The following RBBP6 variants were observed in gnomAD, a reference collection of about 807,000 sequenced individuals.
RBBP6 encodes E3 ubiquitin-protein ligase RBBP6.
In RBBP6, 25 loss-of-function variants were observed where a neutral mutation model predicts 167.7. That is an observed-to-expected ratio of 0.15 (90% CI 0.11 to 0.21). RBBP6 has a LOEUF of 0.21. Ranked by LOEUF, RBBP6 falls within the 10% of genes least tolerant of loss-of-function variation. The pLI, the probability that RBBP6 is intolerant of heterozygous loss-of-function variation, is 1.00. For missense variants in RBBP6, 1,868 were observed against 2,134.2 expected (o/e 0.88, Z 2.46); for synonymous variants, 789 against 735.8 (o/e 1.07, Z -1.17).
Position 24,560,736 on chromosome 16 carries a change from G to A in RBBP6, c.848-876G>A, listed in dbSNP as rs116958003. 2.4e-3 allele frequency among the ~76,000 whole-genome samples: 359 copies of A among 152,250 alleles called. 1 individual carries two copies. Among genetic ancestry groups the A allele is most frequent in the Non-Finnish European group, 4.1e-3 (280 of 68,012 alleles). On this transcript the variant is annotated intron_variant, in intron 8 of 17. Coordinates refer to ENST00000319715, the MANE Select transcript of RBBP6 (RefSeq NM_006910.5). ...TAAGAGTATAACAACTATTTACATA[G>A]CATTTATATTGCAGCAGGTATTACA... is the stretch of plus-strand genomic sequence containing the variant.
chr16:24,572,100 C>G lies in RBBP6; in HGVS notation c.5034C>G (p.Asp1678Glu). ...TGGAGAAAGCAAAAGAGAGCCTGGA[C>G]ACAGCAGCAGTTGTCCAGGTGGGCA... ...KIVEKAKESL[D>E]TAAVVQVGIS... Residue 1678 changes from aspartate (D) to glutamate (E), a missense_variant, in exon 18 of 18, where the codon GAC becomes GAG. By Grantham distance (45) the Asp-to-Glu change is conservative. Around this residue, in one of 7 missense-constraint regions of RBBP6, gnomAD observed 591 missense variants for 540.5 expected, o/e 1.09. Transcript: ENST00000319715. The G allele has an allele frequency of 6.2e-7, 1 of 1,614,098 alleles. No individual in the cohort carries two copies. The highest frequency in any genetic ancestry group is 8.5e-7 in the Non-Finnish European group (1 of 1,180,016).
At chr16:24,544,257 A>G (rs1898578362) in intron 1 of RBBP6, among the ~76,000 whole-genome samples, 1 of 152,160 alleles carries the variant, frequency 6.6e-6, no homozygotes, top group African/African-American at 2.4e-5. Flanking sequence ...TAGTCACCCC[A>G]TGCTCTCAGT....
In RBBP6 at chr16:24,570,175, C is replaced by T. The variant is rs764226198; in HGVS notation, c.3485C>T (p.Ser1162Phe). ...AAAGGCGTAGATAAAGATTTTGAGT[C>T]TTCTTCAATGAAAATCTCGAAACTA... ...EEKGVDKDFE[S>F]SSMKISKLEV... Residue 1162 changes from serine to phenylalanine, a missense_variant, in exon 17 of 18, where the codon TCT becomes TTT. By Grantham distance (155) the Ser-to-Phe change is radical (BLOSUM62 -2). Around this residue, in one of 7 missense-constraint regions of RBBP6, gnomAD observed 673 missense variants for 691.5 expected, o/e 0.97. Transcript: ENST00000319715. The T allele has an allele frequency of 6.3e-7, 1 of 1,598,908 alleles. No individual in the cohort carries two copies. Among genetic ancestry groups the T allele is most frequent in the South Asian group, 1.2e-5 (1 of 86,660 alleles).
rs754927914 is a variant in RBBP6, at chr16:24,567,278, T to A, written c.1725T>A (p.Pro575=). 1 of 1,614,098 alleles carries A rather than the reference T, an allele frequency of 6.2e-7. No individual in the cohort carries two copies. Among genetic ancestry groups the A allele is most frequent in the Admixed American group, 1.7e-5 (1 of 60,006 alleles). ...YPPPPHTLPL[P]PGVPPPQFSP... ...CTCCTCCCCATACACTTCCTCTCCC[T>A]CCGGGTGTTCCTCCTCCACAGTTTT... The change falls in exon 15 of 18, where the codon CCT becomes CCA. Residue 575 remains proline (P), a synonymous_variant. Transcript: ENST00000319715.
chr16:24,566,919 A>G (rs1899208601), intron 14 of RBBP6, among the ~76,000 whole-genome samples: 1 of 152,106 alleles, frequency 6.6e-6, no homozygotes, highest in Non-Finnish European at 1.5e-5. Flanking sequence ...CGTGTAGAGA[A>G]GGTCCTATAA....
intron 1 of RBBP6, among the ~76,000 whole-genome samples, chr16:24,541,193 C>CA (rs200963939): frequency 0.057 from 4,102 of 72,374 alleles, 174 homozygotes; most frequent in African/African-American, 0.11. Context: ...AAAAAAAAAA[C>CA]AAAAAAAAAA....
chr16:24,548,899 T>C (rs1745824210), intron 2 of RBBP6, 46 bp from the exon 3 acceptor site: 1 of 1,492,340 alleles, frequency 6.7e-7, no homozygotes, highest in Non-Finnish European at 9.2e-7. Flanking sequence ...AGCACAAAAA[T>C]TCATAAATAG....
rs1431744546 is a variant in RBBP6, at chr16:24,540,626, C to A, written c.-1C>A. On this transcript the variant is annotated 5_prime_UTR_variant, in exon 1 of 18. Transcript: ENST00000319715. ...CTGAACCTTAGGAATCCCTTGGCAC[C>A]ATGTCCTGTGTGCATTATAAATTTT... 6.2e-7 allele frequency: 1 copy of A among 1,611,808 alleles called. No individual in the cohort carries two copies. Among genetic ancestry groups the A allele is most frequent in the Non-Finnish European group, 8.5e-7 (1 of 1,178,344 alleles).
intron 17 of RBBP6, 62 bp from the exon 18 acceptor site, chr16:24,570,814 C>T: frequency 1.7e-6 from 2 of 1,211,584 alleles, no homozygotes; most frequent in South Asian, 5.2e-5. Context: ...TTATATTTAT[C>T]AGTGTTTTAT....
Position 24,568,821 on chromosome 16 carries a change from C to T in RBBP6, c.2131C>T (p.Arg711Cys), listed in dbSNP as rs776342237. 39 of 1,614,078 alleles carry T rather than the reference C, an allele frequency of 2.4e-5. No individual in the cohort carries two copies. The highest frequency in any genetic ancestry group is 3.1e-5 in the Non-Finnish European group (36 of 1,180,042). Residue 711 changes from arginine (R) to cysteine (C), a missense_variant, in exon 17 of 18, where the codon CGT becomes TGT. Transcript: ENST00000319715. ...TYSKSRSGST[R>C]SRSYSRSFSR... ...TTCTAAATCAAGATCTGGTTCAACA[C>T]GTTCACGCTCTTATTCTCGATCATT...
At chr16:24,547,369 A>G (rs1898684282) in intron 2 of RBBP6, among the ~76,000 whole-genome samples, 1 of 152,192 alleles carries the variant, frequency 6.6e-6, no homozygotes, top group Non-Finnish European at 1.5e-5. Context: ...TCCTTGTTGT[A>G]ATTGCCAAGT....
intron 3 of RBBP6, among the ~76,000 whole-genome samples, chr16:24,551,373 A>G (rs1159971063): frequency 2.0e-5 from 3 of 151,800 alleles, no homozygotes; most frequent in Admixed American, 6.6e-5. Flanking sequence ...ATTCCTAATC[A>G]TTTTTAAACC....
chr16:24,555,228 C>T, intron 4 of RBBP6: 1 of 158,446 alleles, frequency 6.3e-6, no homozygotes, highest in Non-Finnish European at 1.4e-5. Context: ...GTCATTCTAC[C>T]CCCATCCCTA....
intron 1 of RBBP6, among the ~76,000 whole-genome samples, chr16:24,544,555 CT>C (rs1346298908): frequency 6.6e-6 from 1 of 152,174 alleles, no homozygotes; most frequent in Non-Finnish European, 1.5e-5. Flanking sequence ...GAGATAGTCA[CT>C]TTGTGCAGAG....
At chr16:24,549,339 T>C (rs1898741805) in intron 3 of RBBP6, 1 of 1,076,402 alleles carries the variant, frequency 9.3e-7, no homozygotes, top group Admixed American at 5.2e-5. Flanking sequence ...GTTAGTATTT[T>C]GTATGTATGT....
At chr16:24,544,607 G>C (rs1241456920) in intron 1 of RBBP6, among the ~76,000 whole-genome samples, 1 of 152,196 alleles carries the variant, frequency 6.6e-6, no homozygotes, top group East Asian at 1.9e-4. Context: ...ACAATAAAAA[G>C]GCCTGGTTGT....
Position 24,571,363 on chromosome 16 carries a change from C to A in RBBP6, c.4297C>A (p.Arg1433Ser). ...TQPEKESNLD[R>S]LNEQGNFKSL... Reference sequence around the variant, plus strand: ...GCCAGAGAAAGAGAGTAATTTGGACCGTCTGAATGAACAAGGAAATTTTAA... The same window carrying A: ...GCCAGAGAAAGAGAGTAATTTGGACAGTCTGAATGAACAAGGAAATTTTAA... Residue 1433 changes from arginine to serine, a missense_variant, in exon 18 of 18, where the codon CGT becomes AGT. Arg to Ser is a moderately radical substitution (Grantham distance 110, BLOSUM62 -1). This residue lies in a region of RBBP6 where 591 missense variants were observed against 540.5 expected (regional missense o/e 1.09). Coordinates refer to ENST00000319715, the MANE Select transcript of RBBP6 (RefSeq NM_006910.5). The A allele has an allele frequency of 1.9e-6, 3 of 1,613,942 alleles. No individual in the cohort carries two copies. Among genetic ancestry groups the A allele is most frequent in the Non-Finnish European group, 2.5e-6 (3 of 1,179,986 alleles).
At chr16:24,556,509 T>C in intron 7 of RBBP6, 62 bp downstream of exon 7, 1 of 1,479,500 alleles carries the variant, frequency 6.8e-7, no homozygotes, top group South Asian at 1.5e-5. Context: ...TATAGTGTTT[T>C]AATCTTGGGC....
chr16:24,569,110 A>G lies in RBBP6; in HGVS notation c.2420A>G (p.Asp807Gly), dbSNP rs746432714. The change falls in exon 17 of 18, where the codon GAC becomes GGC. Residue 807 changes from aspartate (D) to glycine (G), a missense_variant. By Grantham distance (94) the Asp-to-Gly change is moderately conservative (BLOSUM62 -1). Coordinates refer to ENST00000319715, the MANE Select transcript of RBBP6 (RefSeq NM_006910.5). ...TACAGAGAAGTTCCACCACCATATG[A>G]CATGAAAGCATATTATGGGAGAAGT... ...NRYREVPPPY[D>G]MKAYYGRSVD... 2 of 1,613,530 alleles carry G rather than the reference A, an allele frequency of 1.2e-6. No homozygotes were observed. Among genetic ancestry groups the G allele is most frequent in the African/African-American group, 1.3e-5 (1 of 74,990 alleles).
Sources: gnomAD v4.1 joint callset for allele counts (sites outside exome capture counted in the v4.1 genomes callset) on GRCh38, gnomAD v4.1.1 for gene constraint, gnomAD v4.1.1 regional missense constraint, MANE v1.5 for transcripts, NCBI Gene and HGNC (gene_info 2026-07-23, HGNC 2026-07-21) for gene names.